MARCHF1: variants seen among roughly 807,000 people sequenced by gnomAD.
MARCHF1 encodes the protein membrane associated ring-CH-type finger 1, also known as E3 ubiquitin-protein ligase MARCHF1.
MARCHF1 carries 40 observed loss-of-function variants against 54.2 expected under a neutral mutation model. That is an observed-to-expected ratio of 0.74 (90% CI 0.57 to 0.96). MARCHF1 has a LOEUF of 0.96. MARCHF1 is among the 40% of genes least tolerant of loss of function. The pLI is 0.00. For synonymous variants in MARCHF1, 236 were observed against 236.3 expected (o/e 1.00, Z 0.01); for missense variants, 586 against 656.5 (o/e 0.89, Z 1.17).
intron 1 of MARCHF1, among the ~76,000 whole-genome samples, chr4:164,177,641 G>A (rs1442911400): frequency 6.6e-6 from 1 of 152,032 alleles, no homozygotes; most frequent in African/African-American, 2.4e-5. Flanking sequence ...CTTTAATATT[G>A]ATAGCAGTAA....
In MARCHF1 at chr4:163,591,043, T is replaced by TA. The variant is rs1351065866; in HGVS notation, c.1011-5115dup. Reference sequence around the variant, plus strand: ...AAGTGATCAATTAAGTGACAATAATTATTAATAATCAATTATTTCATATGA... The same window carrying TA: ...AAGTGATCAATTAAGTGACAATAATTAATTAATAATCAATTATTTCATATGA... On this transcript the variant is annotated intron_variant, in intron 7 of 9. Transcript: ENST00000514618. 4.0e-5 allele frequency among the ~76,000 whole-genome samples: 6 copies of TA among 151,558 alleles called. No individual in the cohort carries two copies. In the East Asian group the frequency reaches 5.8e-4, roughly 15 times the overall value.
chr4:163,997,205 C>T lies in MARCHF1; in HGVS notation c.-247-8496G>A, dbSNP rs1293479768. Reference sequence around the variant, plus strand: ...GTAGTCTGAGAATGAAGAATATGAACCAGTGTTTGCATTTTATAAGTGTTA... The same window carrying T: ...GTAGTCTGAGAATGAAGAATATGAATCAGTGTTTGCATTTTATAAGTGTTA... On this transcript the variant is annotated intron_variant, in intron 2 of 9. Transcript: ENST00000514618. Among the ~76,000 whole-genome samples the T allele has an allele frequency of 3.9e-5, 6 of 151,998 alleles. No individual in the cohort carries two copies. The East Asian group carries it at 7.8e-4, about 20-fold the overall frequency.
chr4:163,645,368 GA>G (rs1742714283), intron 5 of MARCHF1, among the ~76,000 whole-genome samples: 2 of 152,154 alleles, frequency 1.3e-5, no homozygotes, highest in South Asian at 4.1e-4. Flanking sequence ...CCTAATAGGA[GA>G]AAGCCTTAAC....
intron 5 of MARCHF1, among the ~76,000 whole-genome samples, chr4:163,681,374 C>T (rs1211485122): frequency 6.6e-6 from 1 of 152,120 alleles, no homozygotes; most frequent in Middle Eastern, 3.2e-3. Flanking sequence ...TCAGAACTGG[C>T]ATGTACAGTT....
At chr4:164,250,019 C>T (rs140901105) in intron 1 of MARCHF1, among the ~76,000 whole-genome samples, 98 of 151,960 alleles carry the variant, frequency 6.4e-4, no homozygotes, top group African/African-American at 2.1e-3. Flanking sequence ...ATGGTGAAAC[C>T]GAGGTAGTTG....
chr4:164,023,657 T>C (rs975122634), intron 2 of MARCHF1, among the ~76,000 whole-genome samples: 1 of 152,204 alleles, frequency 6.6e-6, no homozygotes, highest in Non-Finnish European at 1.5e-5. Context: ...CAGCTTAGGA[T>C]GTCTGGCAAT....
At chr4:164,241,670 G>C (rs1243639749) in intron 1 of MARCHF1, among the ~76,000 whole-genome samples, 3 of 152,082 alleles carry the variant, frequency 2.0e-5, no homozygotes, top group African/African-American at 7.2e-5. Context: ...CTCCCAGCGT[G>C]AGCTACGCAG....
intron 1 of MARCHF1, among the ~76,000 whole-genome samples, chr4:164,244,198 T>A (rs553044207): frequency 0.021 from 3,191 of 151,836 alleles, 111 homozygotes; most frequent in African/African-American, 0.073. Flanking sequence ...ATTGACCATA[T>A]ACTGGGAAGT....
intron 9 of MARCHF1, chr4:163,529,952 A>G (rs1458209342): frequency 6.6e-6 from 1 of 152,002 alleles, no homozygotes; most frequent in Admixed American, 6.6e-5. Context: ...AAGTAGAAAA[A>G]TATAGCTCAG....
intron 2 of MARCHF1, among the ~76,000 whole-genome samples, chr4:164,045,645 C>A (rs1754226971): frequency 6.7e-6 from 1 of 148,570 alleles, no homozygotes; most frequent in Non-Finnish European, 1.5e-5. Flanking sequence ...TTGGAGAAAT[C>A]ATGGCAATAT....
Position 163,902,581 on chromosome 4 carries a change from A to T in MARCHF1, c.-38-48412T>A, listed in dbSNP as rs942245344. Among the ~76,000 whole-genome samples the T allele has an allele frequency of 2.0e-5, 3 of 152,134 alleles. No homozygotes were observed. The South Asian group carries it at 6.2e-4, about 31-fold the overall frequency. On this transcript the variant is annotated intron_variant, in intron 3 of 9. Transcript: ENST00000514618. ...TCTTTAATGGCTTTTTCCTCCCCTAAACAAAGAGCTTCAGGTAAGAAATTC... is the reference window on the plus strand; with the variant it reads ...TCTTTAATGGCTTTTTCCTCCCCTATACAAAGAGCTTCAGGTAAGAAATTC...
At chr4:163,932,401 T>G (rs2111400704) in intron 3 of MARCHF1, 1 of 366,268 alleles carries the variant, frequency 2.7e-6, no homozygotes, top group South Asian at 2.2e-5. Context: ...CAAACCCTGC[T>G]GCTGCTTTAT....
intron 4 of MARCHF1, among the ~76,000 whole-genome samples, chr4:163,834,256 T>C (rs980492434): frequency 2.6e-5 from 4 of 151,866 alleles, no homozygotes; most frequent in African/African-American, 9.7e-5. Flanking sequence ...GCAGCAGGAA[T>C]TGGGTGCCTG....
chr4:163,862,779 T>G (rs1690568931), intron 3 of MARCHF1, among the ~76,000 whole-genome samples: 1 of 151,948 alleles, frequency 6.6e-6, no homozygotes, highest in Non-Finnish European at 1.5e-5. Context: ...CTTATAGGAG[T>G]TTTATTCATA....
In MARCHF1 at chr4:164,023,713, C is replaced by T. The variant is rs116681648; in HGVS notation, c.-247-35004G>A. On this transcript the variant is annotated intron_variant, in intron 2 of 9. Coordinates refer to ENST00000514618, the MANE Select transcript of MARCHF1 (RefSeq NM_001394959.1). ...TACCTTCAAATGAGCCCACTAGCTTCCCAGCAGTAGTTCTTAAACAGACTG... is the reference window on the plus strand; with the variant it reads ...TACCTTCAAATGAGCCCACTAGCTTTCCAGCAGTAGTTCTTAAACAGACTG... 3.6e-3 allele frequency among the ~76,000 whole-genome samples: 545 copies of T among 152,200 alleles called. 4 individuals carry two copies. Among genetic ancestry groups the T allele is most frequent in the South Asian group, 0.016 (78 of 4,824 alleles).
intron 1 of MARCHF1, among the ~76,000 whole-genome samples, chr4:164,201,873 T>A (rs1324009933): frequency 2.6e-5 from 4 of 152,196 alleles, no homozygotes; most frequent in African/African-American, 4.8e-5. Context: ...TTATGACATA[T>A]AAGCAAATTC....
intron 4 of MARCHF1, among the ~76,000 whole-genome samples, chr4:163,738,003 C>T (rs776948429): frequency 2.0e-5 from 3 of 152,160 alleles, no homozygotes; most frequent in Non-Finnish European, 4.4e-5. Context: ...TCAATTGCTT[C>T]CGGAAGCAGT....
chr4:164,088,917 T>C (rs1473122879), intron 2 of MARCHF1, among the ~76,000 whole-genome samples: 2 of 152,212 alleles, frequency 1.3e-5, no homozygotes, highest in Non-Finnish European at 2.9e-5. Context: ...CATGCTAAAA[T>C]TGAAACCGGT....
intron 8 of MARCHF1, among the ~76,000 whole-genome samples, chr4:163,578,438 A>T (rs1361096351): frequency 6.6e-6 from 1 of 152,100 alleles, no homozygotes; most frequent in African/African-American, 2.4e-5. Context: ...CCAGCCAACA[A>T]TTATTATTCA....
Sources: gnomAD v4.1 joint callset for allele counts (sites outside exome capture counted in the v4.1 genomes callset) on GRCh38, gnomAD v4.1.1 for gene constraint, MANE v1.5 for transcripts, NCBI Gene and HGNC (gene_info 2026-07-23, HGNC 2026-07-21) for gene names.